Variants in UNC5D observed in about 807,000 individuals in gnomAD.
UNC5D encodes the protein netrin receptor UNC5D.
A neutral mutation model predicts 105.4 loss-of-function variants in UNC5D; 39 were observed. The observed-to-expected ratio is 0.37, with a 90% confidence interval of 0.29 to 0.48. The LOEUF (loss-of-function observed/expected upper bound fraction) is 0.48, where lower values mean the gene tolerates loss of function less well. Among genes scored for constraint, UNC5D ranks in the 20% least tolerant of loss-of-function variants. The pLI, the probability that UNC5D is intolerant of heterozygous loss-of-function variation, is 0.98. For missense variants in UNC5D, 991 were observed against 1,202.4 expected (o/e 0.82, Z 2.60); for synonymous variants, 452 against 450.4 (o/e 1.00, Z -0.04).
intron 1 of UNC5D, among the ~76,000 whole-genome samples, chr8:35,476,272 G>A (rs1270083061): frequency 6.6e-6 from 1 of 152,152 alleles, no homozygotes; most frequent in Admixed American, 6.6e-5. Context: ...AAGTACACTG[G>A]AATAGGCAAA....
chr8:35,431,676 A>G (rs1806646000), intron 1 of UNC5D, among the ~76,000 whole-genome samples: 1 of 152,154 alleles, frequency 6.6e-6, no homozygotes, highest in Non-Finnish European at 1.5e-5. Flanking sequence ...CAAATATTAT[A>G]TATACCAACA....
chr8:35,271,847 G>A (rs1217881666), intron 1 of UNC5D, among the ~76,000 whole-genome samples: 1 of 151,784 alleles, frequency 6.6e-6, no homozygotes, highest in East Asian at 2.0e-4. Context: ...GACAGACAAA[G>A]TTTTTCCCCT....
chr8:35,382,400 A>AT (rs770804918), intron 1 of UNC5D, among the ~76,000 whole-genome samples: 39 of 152,308 alleles, frequency 2.6e-4, no homozygotes, highest in South Asian at 6.2e-4. Context: ...GCCTCAAGTC[A>AT]TTTTTTCTAA....
intron 4 of UNC5D, among the ~76,000 whole-genome samples, chr8:35,672,144 C>T (rs1484813451): frequency 6.6e-6 from 1 of 152,224 alleles, no homozygotes; most frequent in Admixed American, 6.5e-5. Flanking sequence ...GTAACTCAGG[C>T]ATCCGCTTTT....
Position 35,674,283 on chromosome 8 carries a change from C to T in UNC5D, c.571-9264C>T, listed in dbSNP as rs975872761. Among the ~76,000 whole-genome samples the T allele has an allele frequency of 2.6e-5, 4 of 152,262 alleles. No homozygotes were observed. In the East Asian group the frequency reaches 5.8e-4, roughly 22 times the overall value. ...TGTAATTTTGCAAAGAGCCAACAGT[C>T]GTTCCAACCAAATCTAGCAAATGAT... On this transcript the variant is annotated intron_variant, in intron 4 of 16. Coordinates refer to ENST00000404895, the MANE Select transcript of UNC5D (RefSeq NM_080872.4).
At chr8:35,751,429 T>C (rs1241935874) in intron 13 of UNC5D, among the ~76,000 whole-genome samples, 1 of 152,208 alleles carries the variant, frequency 6.6e-6, no homozygotes, top group African/African-American at 2.4e-5. Context: ...AAAGGCAATC[T>C]AGTCTCCAGG....
chr8:35,499,039 C>A (rs1190095015), intron 1 of UNC5D, among the ~76,000 whole-genome samples: 1 of 152,140 alleles, frequency 6.6e-6, no homozygotes, highest in Non-Finnish European at 1.5e-5. Context: ...GCACTTGGCT[C>A]CTTCACACCC....
chr8:35,576,902 C>T (rs566281764), intron 3 of UNC5D, among the ~76,000 whole-genome samples: 31 of 152,180 alleles, frequency 2.0e-4, no homozygotes, highest in African/African-American at 6.7e-4. Context: ...CATGAGCCAC[C>T]GCGCCTGGCA....
intron 14 of UNC5D, among the ~76,000 whole-genome samples, chr8:35,765,176 G>A (rs977988609): frequency 1.6e-4 from 25 of 152,140 alleles, no homozygotes; most frequent in East Asian, 3.9e-4. Flanking sequence ...TGGCTTCTGC[G>A]TTTCCTCTCC....
At chr8:35,499,901 T>C (rs1811859132) in intron 1 of UNC5D, among the ~76,000 whole-genome samples, 1 of 152,326 alleles carries the variant, frequency 6.6e-6, no homozygotes, top group East Asian at 1.9e-4. Flanking sequence ...ACCCTTACAA[T>C]GTTTTATTAA....
chr8:35,657,068 G>A, intron 4 of UNC5D, among the ~76,000 whole-genome samples: 1 of 100,756 alleles, frequency 9.9e-6, no homozygotes, highest in Non-Finnish European at 1.9e-5. Flanking sequence ...GTGTGTGTGT[G>A]TGTGTGTGTG....
At chr8:35,756,004 A>C (rs1314520172) in intron 13 of UNC5D, among the ~76,000 whole-genome samples, 3 of 152,210 alleles carry the variant, frequency 2.0e-5, no homozygotes, top group African/African-American at 7.2e-5. Context: ...AGAGTAATAC[A>C]GTAGGCTCAG....
At chr8:35,477,311 G>C (rs1810172823) in intron 1 of UNC5D, among the ~76,000 whole-genome samples, 2 of 151,246 alleles carry the variant, frequency 1.3e-5, no homozygotes, top group African/African-American at 4.9e-5. Flanking sequence ...CTTCCATAAG[G>C]CTGAGACTCA....
chr8:35,366,669 A>T (rs1802140719), intron 1 of UNC5D, among the ~76,000 whole-genome samples: 1 of 152,074 alleles, frequency 6.6e-6, no homozygotes, highest in African/African-American at 2.4e-5. Flanking sequence ...TGAATGATTC[A>T]TCTGTGGTCC....
At chr8:35,283,188 A>T (rs1806322725) in intron 1 of UNC5D, among the ~76,000 whole-genome samples, 1 of 152,212 alleles carries the variant, frequency 6.6e-6, no homozygotes, top group Non-Finnish European at 1.5e-5. Flanking sequence ...TTTTAATTTG[A>T]GAAAATTTGC....
chr8:35,485,095 C>G (rs1295676360), intron 1 of UNC5D, among the ~76,000 whole-genome samples: 1 of 152,182 alleles, frequency 6.6e-6, no homozygotes, highest in Non-Finnish European at 1.5e-5. Context: ...TTGGATCGCT[C>G]TCCCCTACAG....
At chr8:35,610,690 A>G (rs931386678) in intron 4 of UNC5D, among the ~76,000 whole-genome samples, 1 of 152,194 alleles carries the variant, frequency 6.6e-6, no homozygotes, top group South Asian at 2.1e-4. Flanking sequence ...CTCTACCCTC[A>G]TTATGATTTT....
At chr8:35,788,239 C>T (rs1802840577) in intron 16 of UNC5D, among the ~76,000 whole-genome samples, 1 of 151,832 alleles carries the variant, frequency 6.6e-6, no homozygotes, top group South Asian at 2.1e-4. Context: ...TAAATGGCAA[C>T]GCGTCCTTAA....
At chr8:35,596,132 T>C (rs1819478260) in intron 4 of UNC5D, among the ~76,000 whole-genome samples, 1 of 152,190 alleles carries the variant, frequency 6.6e-6, no homozygotes, top group Admixed American at 6.5e-5. Flanking sequence ...GTTTGTTATG[T>C]TTTCTGCACT....
Sources: allele counts gnomAD v4.1 joint callset (sites outside exome capture counted in the v4.1 genomes callset), GRCh38; gene constraint gnomAD v4.1.1; transcripts MANE v1.5; gene names NCBI Gene and HGNC (gene_info 2026-07-23, HGNC 2026-07-21).